The following TTN variants were observed in gnomAD, a reference collection of about 807,000 sequenced individuals.
TTN encodes the protein connectin.
TTN carries 1,525 observed loss-of-function variants against 3,223.0 expected under a neutral mutation model. The observed-to-expected ratio is 0.47, with a 90% CI of 0.45 to 0.49. The LOEUF (loss-of-function observed/expected upper bound fraction) is 0.49, where lower values mean the gene tolerates loss of function less well. Ranked by LOEUF, TTN falls within the 20% of genes least tolerant of loss-of-function variation. TTN has a pLI of 0.00. For synonymous variants in TTN, 14,094 were observed against 15,161.0 expected, an observed-to-expected ratio of 0.93 and a Z score of 5.17; for missense variants, 40,786 against 43,424.0, an observed-to-expected ratio of 0.94 and a Z score of 5.40.
chr2:178,686,113 ATT>A (rs765570520), intron 127 of TTN, among the ~76,000 whole-genome samples: 31 of 77,800 alleles, frequency 4.0e-4, no homozygotes, highest in Middle Eastern at 0.01. Context: ...TACAGTTTTA[ATT>A]TTTTTTTTTT....
chr2:178,753,234 T>C, intron 46 of TTN, 54 bp from the exon 47 acceptor site: 1 of 1,384,016 alleles, frequency 7.2e-7, no homozygotes, highest in Middle Eastern at 1.8e-4. Flanking sequence ...ATATATTTTC[T>C]GCATCAATTC....
rs2062650542 is a variant in TTN at position 178,649,856 on chromosome 2, C to T, written c.39856G>A (p.Val13286Ile). 1 of 1,612,588 alleles carries T rather than the reference C, an allele frequency of 6.2e-7. No individual in the cohort carries two copies. Among genetic ancestry groups the T allele is most frequent in the Non-Finnish European group, 8.5e-7 (1 of 1,179,438 alleles). Residue 13286 changes from valine to isoleucine, a missense_variant, in exon 211 of 363, where the codon GTT (valine) becomes ATT (isoleucine). Val to Ile is a conservative substitution (Grantham distance 29). Transcript: ENST00000589042. Reference sequence around the variant, plus strand: ...GCTTCTGGTTTTTTGATGACAGGAACTTTCTTCTCTGGGATGATCTTCTTG... The same window carrying T: ...GCTTCTGGTTTTTTGATGACAGGAATTTTCTTCTCTGGGATGATCTTCTTG... ...EPKKIIPEKK[V>I]PVIKKPEAPP...
In TTN at chr2:178,575,628, C is replaced by T. The variant is rs781343586; in HGVS notation, c.70504G>A (p.Gly23502Arg). 1.9e-6 allele frequency: 3 copies of T among 1,613,566 alleles called. No individual in the cohort carries two copies. The highest frequency in any genetic ancestry group is 2.5e-6 in the Non-Finnish European group (3 of 1,179,622). The stretch of plus-strand genomic sequence containing the variant: ...ATCACTCTGAAGAAATATTCACACC[C>T]TTCAGACAAGCCGGTAACTTTATAT... ...CTYKVTGLSE[G>R]CEYFFRVMAE... The change falls in exon 326 of 363, where the codon GGG becomes AGG. Residue 23502 changes from glycine to arginine, a missense_variant. Gly to Arg is a moderately radical substitution (Grantham distance 125). Transcript: ENST00000589042. The surrounding 1 kb of genome is among the most constrained non-coding windows in gnomAD (Gnocchi z 4.0).
rs72648231 is a variant in TTN at position 178,557,355 on chromosome 2, T to C, written c.87907A>G (p.Ser29303Gly). The change falls in exon 329 of 363, where the codon AGT becomes GGT. Residue 29303 changes from serine to glycine, a missense_variant. By Grantham distance (56) the Ser-to-Gly change is moderately conservative (BLOSUM62 0). Transcript: ENST00000589042. ...RTTHFKVTTI[S>G]AGLIYEFRVY... ...CTGAATTCATAAATAAGTCCAGCAC[T>C]GATTGTTGTGACTTTGAAGTGAGTT... 6 of 1,613,880 alleles carry C rather than the reference T, an allele frequency of 3.7e-6. No individual in the cohort carries two copies. Among genetic ancestry groups the C allele is most frequent in the Non-Finnish European group, 5.1e-6 (6 of 1,179,878 alleles).
rs757872655 is a variant in TTN, at chr2:178,689,918, TGTTA to T, written c.31763-26_31763-23del. 2.3e-5 allele frequency: 36 copies of T among 1,596,784 alleles called. No individual in the cohort carries two copies. The South Asian group carries it at 4.0e-4, about 18-fold the overall frequency. On this transcript the variant is annotated intron_variant, in intron 121 of 362. Coordinates refer to ENST00000589042, the MANE Select transcript of TTN (RefSeq NM_001267550.2). ...GGGACTTAAAGTTTTTGAAACACAA[TGTTA>T]GTTCAGACATATATCACTTTTATGA...
chr2:178,542,924 T>C lies in TTN; in HGVS notation c.96930A>G (p.Thr32310=), dbSNP rs1290930048. The change falls in exon 348 of 363, where the codon ACA becomes ACG. Residue 32310 remains threonine (T), a synonymous_variant. Transcript: ENST00000589042. ...LRVLPTIDLS[T]MPQKTIHVPA... is the part of the protein sequence containing the mutation. ...GGACATGGATGGTCTTCTGAGGCAT[T>C]GTAGAAAGATCGATTGTTGGCAACA... 1.2e-6 allele frequency: 2 copies of C among 1,605,508 alleles called. No individual in the cohort carries two copies. Among genetic ancestry groups the C allele is most frequent in the East Asian group, 2.2e-5 (1 of 44,704 alleles).
rs2742347 is a variant in TTN at position 178,735,921 on chromosome 2, C to T, written c.14525G>A (p.Arg4842Lys). The change falls in exon 50 of 363, where the codon AGG (arginine) becomes AAG (lysine). Residue 4842 changes from arginine to lysine, a missense_variant. Transcript: ENST00000589042. ...GTGTTTGTTTTCTGCGTCGGAAATC[C>T]TCCAGTTAGGTGAAGGTGAGAGTGC... is the stretch of plus-strand genomic sequence containing the variant. ...GAALSPSPNW[R>K]ISDAENKHIL... 108,000 of 1,613,726 alleles carry T rather than the reference C, an allele frequency of 0.067. 6,116 individuals carry two copies. The highest frequency in any genetic ancestry group is 0.22 in the Admixed American group (13,260 of 59,986).
At chr2:178,700,567 T>C (rs566158110) in intron 111 of TTN, among the ~76,000 whole-genome samples, 65 of 152,386 alleles carry the variant, frequency 4.3e-4, no homozygotes, top group Admixed American at 6.5e-4. Flanking sequence ...ACTTCTCTAC[T>C]GAGTATTTGA....
intron 46 of TTN, among the ~76,000 whole-genome samples, chr2:178,755,145 C>T (rs1382907841): frequency 6.6e-6 from 1 of 152,108 alleles, no homozygotes; most frequent in Non-Finnish European, 1.5e-5. Context: ...ACAACACAGG[C>T]TTATGGCACC....
Position 178,545,465 on chromosome 2 carries a change from C to T in TTN, c.95645G>A (p.Arg31882Gln), listed in dbSNP as rs767746607. Reference sequence around the variant, plus strand: ...ACCAGCTGCATTCACTGCGGTCACCCGGAACTGGTAATCACAACCCTCCAT... The same window carrying T: ...ACCAGCTGCATTCACTGCGGTCACCTGGAACTGGTAATCACAACCCTCCAT... ...SLMEGCDYQF[R>Q]VTAVNAAGNS... Residue 31882 changes from arginine to glutamine, a missense_variant, in exon 344 of 363, where the codon CGG becomes CAG. Coordinates refer to ENST00000589042, the MANE Select transcript of TTN (RefSeq NM_001267550.2). The T allele has an allele frequency of 7.4e-6, 12 of 1,612,786 alleles. No individual in the cohort carries two copies. In the East Asian group the frequency reaches 1.3e-4, roughly 18 times the overall value.
chr2:178,802,307 A>T lies in TTN; in HGVS notation c.126T>A (p.Asp42Glu). 6.2e-7 allele frequency: 1 copy of T among 1,614,146 alleles called. No homozygotes were observed. Among genetic ancestry groups the T allele is most frequent in the Non-Finnish European group, 8.5e-7 (1 of 1,180,002 alleles). Reference protein sequence around the residue: ...FPVPEVSWFRDGQVISTSTLP... With the variant: ...FPVPEVSWFREGQVISTSTLP... ...GAGTGGAAGTGGAAATCACCTGGCC[A>T]TCCCTAAACCAGCTCACCTCAGGAA... The change falls in exon 3 of 363, where the codon GAT becomes GAA. Residue 42 changes from aspartate (D) to glutamate (E), a missense_variant. By Grantham distance (45) the Asp-to-Glu change is conservative. Coordinates refer to ENST00000589042, the MANE Select transcript of TTN (RefSeq NM_001267550.2).
In TTN at chr2:178,630,869, C is replaced by A; in HGVS notation, c.44089G>T (p.Glu14697Ter). The A allele has an allele frequency of 6.2e-7, 1 of 1,613,328 alleles. No individual in the cohort carries two copies. Among genetic ancestry groups the A allele is most frequent in the South Asian group, 1.1e-5 (1 of 91,058 alleles). The change falls in exon 238 of 363, where the codon GAA becomes TAA. Residue 14697 changes from glutamate (E) to a stop codon, truncating the protein, a stop_gained. Coordinates refer to ENST00000589042, the MANE Select transcript of TTN (RefSeq NM_001267550.2). LOFTEE classifies it high-confidence loss of function. ...GCGTGGATATCATCTTCAGAGATTT[C>A]GGTTTCAAAGCGTGCTGTCTCAGTC... Reference protein sequence around the residue: ...METETARFETEISEDDIHANW... With the variant: ...METETARFET
chr2:178,559,347 T>C lies in TTN; in HGVS notation c.86785A>G (p.Ile28929Val). Residue 28929 changes from isoleucine to valine, a missense_variant, in exon 326 of 363, where the codon ATA (isoleucine) becomes GTA (valine). Ile to Val is a conservative substitution (Grantham distance 29, BLOSUM62 3). Coordinates refer to ENST00000589042, the MANE Select transcript of TTN (RefSeq NM_001267550.2). The stretch of plus-strand genomic sequence containing the variant: ...ACTCCTTCCTTTGTTTCAGCTGGTA[T>C]ACCAACACCAAACTCATTTTCTCCA... The part of the protein sequence containing the change: ...VSGENEFGVG[I>V]PAETKEGVKI... 6.8e-6 allele frequency: 11 copies of C among 1,610,814 alleles called. No homozygotes were observed. Among genetic ancestry groups the C allele is most frequent in the Non-Finnish European group, 9.3e-6 (11 of 1,178,046 alleles).
intron 282 of TTN, 128 bp downstream of exon 282, chr2:178,603,748 A>G (rs2054082212): frequency 1.0e-6 from 1 of 962,740 alleles, no homozygotes; most frequent in African/African-American, 1.6e-5. Context: ...CTATGTGAAC[A>G]TGAACCTTTT....
chr2:178,757,917 C>T lies in TTN; in HGVS notation c.10304-1G>A, dbSNP rs2087807824. 6.6e-7 allele frequency: 1 copy of T among 1,516,496 alleles called. No individual in the cohort carries two copies. The highest frequency in any genetic ancestry group is 2.3e-5 in the East Asian group (1 of 44,028). The allele number at this position is 1,516,496 out of a possible 1,614,324, so 93.9% of individuals were successfully genotyped here. On this transcript the variant is annotated splice_acceptor_variant, in intron 44 of 362. Coordinates refer to ENST00000589042, the MANE Select transcript of TTN (RefSeq NM_001267550.2). LOFTEE classifies it high-confidence loss of function. ...GTATTTTCTTCAAATTTGCTAAATCCTGAAAAGAAGCATACCAATTTTTAA... is the reference window on the plus strand; with the variant it reads ...GTATTTTCTTCAAATTTGCTAAATCTTGAAAAGAAGCATACCAATTTTTAA...
rs765605129 is a variant in TTN, at chr2:178,608,438, A to G, written c.52445T>C (p.Val17482Ala). The change falls in exon 275 of 363, where the codon GTT becomes GCT. Residue 17482 changes from valine to alanine, a missense_variant. Physicochemically the swap from Val to Ala is moderately conservative, Grantham distance 64. Transcript: ENST00000589042. ...TTTCACTAGCATACTGTTGCTGGTA[A>G]CATCTTCCACAATGGGCTTATCTGG... Reference protein sequence around the residue: ...DAPDKPIVEDVTSNSMLVKWN... With the variant: ...DAPDKPIVEDATSNSMLVKWN... 6.2e-7 allele frequency: 1 copy of G among 1,607,104 alleles called. No individual in the cohort carries two copies.
rs878854324 is a variant in TTN, at chr2:178,589,804, G to T, written c.61921C>A (p.Arg20641=). 1 of 1,613,498 alleles carries T rather than the reference G, an allele frequency of 6.2e-7. No homozygotes were observed. Among genetic ancestry groups the T allele is most frequent in the Non-Finnish European group, 8.5e-7 (1 of 1,179,580 alleles). ...NLLANNEYYF[R]VCAENKVGVG... is the part of the protein sequence containing the mutation. The stretch of plus-strand genomic sequence containing the variant: ...CCTACTTTATTCTCTGCACAAACTC[G>T]GAAATAGTATTCATTGTTGGCTAAA... Residue 20641 remains arginine (R), a synonymous_variant, in exon 304 of 363, where the codon CGA becomes AGA. Coordinates refer to ENST00000589042, the MANE Select transcript of TTN (RefSeq NM_001267550.2).
chr2:178,681,769 T>C (rs764169061), intron 135 of TTN, 31 bp from the exon 136 acceptor site: 3 of 1,521,944 alleles, frequency 2.0e-6, no homozygotes, highest in Non-Finnish European at 8.9e-7. Flanking sequence ...TATTTCATGT[T>C]AGACTTAGAA....
Position 178,584,724 on chromosome 2 carries a change from T to A in TTN, c.64917A>T (p.Arg21639=), listed in dbSNP as rs2048555376. Residue 21639 remains arginine (R), a synonymous_variant, in exon 310 of 363, where the codon CGA becomes CGT. Transcript: ENST00000589042. The stretch of plus-strand genomic sequence containing the variant: ...ATGTGAGAGGCTCTGAAATGCCAAA[T>A]CGGTTTTCAGCACGGACCCGGAAGA... ...EYIFRVRAEN[R]FGISEPLTSP... 1 of 1,613,436 alleles carries A rather than the reference T, an allele frequency of 6.2e-7. No individual in the cohort carries two copies. Among genetic ancestry groups the A allele is most frequent in the Admixed American group, 1.7e-5 (1 of 59,988 alleles).
Sources: gnomAD v4.1 joint callset for allele counts (sites outside exome capture counted in the v4.1 genomes callset) on GRCh38, gnomAD v4.1.1 for gene constraint, Gnocchi (gnomAD v3.1) non-coding constraint, MANE v1.5 for transcripts, NCBI Gene and HGNC (gene_info 2026-07-23, HGNC 2026-07-21) for gene names.